The following IL1RAPL2 variants were observed in gnomAD, a reference collection of about 807,000 sequenced individuals.
IL1RAPL2 encodes interleukin 1 receptor accessory protein like 2, also known as X-linked interleukin-1 receptor accessory protein-like 2.
A neutral mutation model predicts 44.1 loss-of-function variants in IL1RAPL2; 3 were observed. The observed-to-expected ratio is 0.07, with a 90% CI of 0.03 to 0.18. IL1RAPL2 has a LOEUF of 0.18. IL1RAPL2 is among the 10% of genes least tolerant of loss of function. IL1RAPL2 has a pLI of 1.00. For synonymous variants in IL1RAPL2, 181 were observed against 178.8 expected (o/e 1.01, Z -0.10); for missense variants, 391 against 496.4 (o/e 0.79, Z 2.02).
intron 5 of IL1RAPL2, among the ~76,000 whole-genome samples, chrX:105,379,398 C>T (rs1158165805): frequency 1.8e-5 from 2 of 111,518 alleles, no homozygotes; most frequent in East Asian, 2.8e-4. Context: ...AGTCTGTTTC[C>T]GAACTAGCCA....
At chrX:104,988,700 C>T (rs1483445201) in intron 2 of IL1RAPL2, among the ~76,000 whole-genome samples, 2 of 111,951 alleles carry the variant, frequency 1.8e-5, no homozygotes, top group Admixed American at 1.9e-4. Context: ...ACATGCACTC[C>T]ACACATATTA....
chrX:105,382,300 G>A (rs1466181259), intron 5 of IL1RAPL2, among the ~76,000 whole-genome samples: 1 of 107,843 alleles, frequency 9.3e-6, no homozygotes, highest in African/African-American at 3.6e-5. Flanking sequence ...CCATCAACAA[G>A]TGGGCGAAGG....
chrX:104,782,889 G>C (rs914216205), intron 2 of IL1RAPL2, among the ~76,000 whole-genome samples: 44 of 111,843 alleles, frequency 3.9e-4, no homozygotes, highest in African/African-American at 1.4e-3. Flanking sequence ...CTCCCATAGT[G>C]GTGTTAGAGT....
intron 7 of IL1RAPL2, among the ~76,000 whole-genome samples, chrX:105,730,947 A>T (rs919282892): frequency 2.7e-5 from 3 of 111,081 alleles, no homozygotes; most frequent in East Asian, 5.7e-4. Context: ...TTTGAAACAA[A>T]CCACCTAACA....
chrX:105,592,171 CCTTT>C (rs779058344), intron 6 of IL1RAPL2, among the ~76,000 whole-genome samples: 7 of 111,479 alleles, frequency 6.3e-5, no homozygotes, highest in Non-Finnish European at 9.4e-5. Flanking sequence ...TTATGTAATG[CCTTT>C]CTTTAATTTT....
chrX:105,719,575 G>A (rs920843834), intron 7 of IL1RAPL2, among the ~76,000 whole-genome samples: 4 of 110,983 alleles, frequency 3.6e-5, no homozygotes, highest in Admixed American at 1.9e-4. Context: ...AAAAGGAAAC[G>A]TTGTACCCAT....
intron 2 of IL1RAPL2, among the ~76,000 whole-genome samples, chrX:104,923,710 A>G (rs917913109): frequency 1.4e-4 from 16 of 111,810 alleles, no homozygotes; most frequent in African/African-American, 4.9e-4. Flanking sequence ...ACATGTAAGT[A>G]GAAAGCTCAC....
chrX:105,543,393 A>T, intron 6 of IL1RAPL2, among the ~76,000 whole-genome samples: 1 of 112,626 alleles, frequency 8.9e-6, no homozygotes. Flanking sequence ...AATAAATCTG[A>T]ATATGAATGC....
At chrX:105,192,128 C>T (rs2033638235) in intron 2 of IL1RAPL2, among the ~76,000 whole-genome samples, 1 of 112,176 alleles carries the variant, frequency 8.9e-6, no homozygotes. Context: ...TAGCCTGCAC[C>T]TTTGTCAGCT....
chrX:105,114,727 G>C, intron 2 of IL1RAPL2, among the ~76,000 whole-genome samples: 1 of 111,817 alleles, frequency 8.9e-6, no homozygotes, highest in Non-Finnish European at 1.9e-5. Context: ...ACTCATAAGT[G>C]AATGAATCAT....
At chrX:105,335,375 T>C (rs2035020666) in intron 5 of IL1RAPL2, among the ~76,000 whole-genome samples, 1 of 111,467 alleles carries the variant, frequency 9.0e-6, no homozygotes, top group Admixed American at 9.6e-5. Context: ...TAATATAGCA[T>C]AGAGCTGTGT....
chrX:105,313,436 T>A (rs1290818387), intron 5 of IL1RAPL2, among the ~76,000 whole-genome samples: 2 of 111,781 alleles, frequency 1.8e-5, no homozygotes, highest in Non-Finnish European at 3.8e-5. Context: ...ATCCTTTCCA[T>A]CTTTTAGCCA....
At chrX:105,214,152 C>T (rs782083820) in intron 3 of IL1RAPL2, among the ~76,000 whole-genome samples, 2 of 97,711 alleles carry the variant, frequency 2.0e-5, no homozygotes, top group African/African-American at 7.6e-5. Context: ...GGCTAAATGC[C>T]CCAATTAAAA....
rs1397785787 is a variant in IL1RAPL2, at chrX:105,042,903, A to G, written c.83-152572A>G. Among the ~76,000 whole-genome samples the G allele has an allele frequency of 3.7e-5, 4 of 108,114 alleles. No homozygotes were observed. In the Admixed American group the frequency reaches 4.0e-4, roughly 11 times the overall value. The allele number at this position is 108,114 out of a possible 115,157, so 93.9% of individuals were successfully genotyped here. A position where few individuals can be genotyped will look rare whatever the true frequency, so the allele number is the denominator to read the frequency against. On this transcript the variant is annotated intron_variant, in intron 2 of 10. Transcript: ENST00000372582. ...CCATGGAATACTATGCAGCCATAAA[A>G]AAGGATGAGTTCATGTCCTTTGTAG... is the stretch of plus-strand genomic sequence containing the variant.
intron 2 of IL1RAPL2, among the ~76,000 whole-genome samples, chrX:104,895,212 A>G (rs1219937959): frequency 8.9e-6 from 1 of 112,366 alleles, no homozygotes; most frequent in Non-Finnish European, 1.9e-5. Flanking sequence ...GGTGCCTCCC[A>G]GTTAGACTAC....
chrX:105,235,685 A>G (rs1409750573), intron 4 of IL1RAPL2, among the ~76,000 whole-genome samples: 1 of 112,434 alleles, frequency 8.9e-6, no homozygotes, highest in Non-Finnish European at 1.9e-5. Flanking sequence ...AAACATATAG[A>G]CTACAGGTAA....
intron 2 of IL1RAPL2, among the ~76,000 whole-genome samples, chrX:104,863,313 A>G (rs753236989): frequency 8.9e-6 from 1 of 111,762 alleles, no homozygotes; most frequent in African/African-American, 3.3e-5. Flanking sequence ...AATCACTCAT[A>G]CATTTATGTA....
intron 6 of IL1RAPL2, among the ~76,000 whole-genome samples, chrX:105,522,712 AT>A (rs2036568302): frequency 8.9e-6 from 1 of 112,056 alleles, no homozygotes; most frequent in Admixed American, 9.5e-5. Context: ...ACATCAGGAT[AT>A]TTTAAAAGTT....
intron 2 of IL1RAPL2, among the ~76,000 whole-genome samples, chrX:104,955,473 C>T (rs1458818214): frequency 1.9e-5 from 2 of 103,829 alleles, no homozygotes; most frequent in Non-Finnish European, 3.8e-5. Flanking sequence ...ATATGTTATA[C>T]TCCCAGATAT....
Sources: gnomAD v4.1 joint callset for allele counts (sites outside exome capture counted in the v4.1 genomes callset) on GRCh38, gnomAD v4.1.1 for gene constraint, MANE v1.5 for transcripts, NCBI Gene and HGNC (gene_info 2026-07-23, HGNC 2026-07-21) for gene names.